The following PRORP variants were observed in gnomAD, a reference collection of about 807,000 sequenced individuals.
The protein encoded by PRORP is protein only RNase P catalytic subunit, also known as mitochondrial ribonuclease P catalytic subunit.
Under a neutral mutation model 59.4 loss-of-function variants are expected in PRORP, and 51 were observed. That is an observed-to-expected ratio of 0.86 (90% CI 0.69 to 1.08). The LOEUF (loss-of-function observed/expected upper bound fraction) is 1.08. Ranked by LOEUF, PRORP falls within the 50% of genes least tolerant of loss-of-function variation. PRORP has a pLI of 0.00. For synonymous variants in PRORP, 231 were observed against 245.6 expected, an observed-to-expected ratio of 0.94 and a Z score of 0.55; for missense variants, 646 against 690.3, an observed-to-expected ratio of 0.94 and a Z score of 0.72.
intron 4 of PRORP, among the ~76,000 whole-genome samples, chr14:35,152,109 T>G (rs527416699): frequency 2.4e-3 from 360 of 152,264 alleles, no homozygotes; most frequent in South Asian, 8.7e-3. Context: ...CCCTGGGTAC[T>G]TGAGATTAGG....
rs567358562 is a variant in PRORP, at chr14:35,123,436, A to T, written c.191A>T (p.Lys64Met). 6.2e-7 allele frequency: 1 copy of T among 1,614,202 alleles called. No homozygotes were observed. The highest frequency in any genetic ancestry group is 1.1e-5 in the South Asian group (1 of 91,092). The change falls in exon 2 of 8, where the codon AAG becomes ATG. Residue 64 changes from lysine to methionine, a missense_variant. Coordinates refer to ENST00000534898, the MANE Select transcript of PRORP (RefSeq NM_014672.4). Reference protein sequence around the residue: ...QNTKATNLIAKARYLRKDEGS... With the variant: ...QNTKATNLIAMARYLRKDEGS... The stretch of plus-strand genomic sequence containing the variant: ...ACCAAAGCAACGAATCTGATTGCCA[A>T]GGCCAGATATCTCAGGAAAGATGAG...
At chr14:35,135,957 C>CA (rs112374315) in intron 4 of PRORP, among the ~76,000 whole-genome samples, 23,469 of 91,364 alleles carry the variant, frequency 0.26, 2,150 homozygotes, top group Middle Eastern at 0.41. Context: ...GACTCTGTCT[C>CA]AAAAAAAAAA....
At chr14:35,157,633 G>T (rs1246044230) in intron 4 of PRORP, among the ~76,000 whole-genome samples, 1 of 151,906 alleles carries the variant, frequency 6.6e-6, no homozygotes, top group Non-Finnish European at 1.5e-5. Flanking sequence ...CAAGTGATCT[G>T]CCTGCCTTGG....
At chr14:35,252,513 T>C (rs941973337) in intron 5 of PRORP, among the ~76,000 whole-genome samples, 1 of 152,226 alleles carries the variant, frequency 6.6e-6, no homozygotes. Flanking sequence ...CCTTCTTTCA[T>C]GGTGCAGGCA....
chr14:35,131,204 A>C (rs959184840), intron 4 of PRORP, among the ~76,000 whole-genome samples: 2 of 152,210 alleles, frequency 1.3e-5, no homozygotes, highest in African/African-American at 2.4e-5. Flanking sequence ...CGGCCTCCCA[A>C]AGTGCTGGAA....
At chr14:35,183,450 C>T (rs555226629) in intron 5 of PRORP, among the ~76,000 whole-genome samples, 2 of 151,920 alleles carry the variant, frequency 1.3e-5, no homozygotes, top group Non-Finnish European at 2.9e-5. Flanking sequence ...TTTTGTAATA[C>T]TCTGTGTCTT....
At chr14:35,223,822 G>A (rs552093068) in intron 5 of PRORP, among the ~76,000 whole-genome samples, 27 of 152,312 alleles carry the variant, frequency 1.8e-4, no homozygotes, top group East Asian at 3.9e-4. Flanking sequence ...AATGAGGCTA[G>A]TAGCTTATTT....
At chr14:35,209,735 C>T (rs2049389631) in intron 5 of PRORP, among the ~76,000 whole-genome samples, 2 of 152,066 alleles carry the variant, frequency 1.3e-5, no homozygotes, top group South Asian at 4.1e-4. Context: ...GGAGTTTCAC[C>T]AGGTTGGCCA....
intron 5 of PRORP, among the ~76,000 whole-genome samples, chr14:35,200,144 C>T (rs1674283069): frequency 6.6e-6 from 1 of 152,120 alleles, no homozygotes; most frequent in Non-Finnish European, 1.5e-5. Flanking sequence ...AAAGCCACGA[C>T]AATTCCATGA....
At chr14:35,127,732 C>A (rs1444580557) in intron 4 of PRORP, 121 bp downstream of exon 4, 2 of 891,040 alleles carry the variant, frequency 2.2e-6, no homozygotes, top group South Asian at 1.6e-5. Context: ...CCTGTTGCAA[C>A]TTTTCAACTC....
intron 4 of PRORP, among the ~76,000 whole-genome samples, chr14:35,130,039 T>TTTG (rs1555319232): frequency 1.3e-5 from 2 of 149,464 alleles, no homozygotes; most frequent in African/African-American, 2.5e-5. Context: ...TCTTTTTTTT[T>TTTG]TTTTTTTTTG....
chr14:35,253,368 AG>A (rs2050663837), intron 5 of PRORP, among the ~76,000 whole-genome samples: 2 of 150,202 alleles, frequency 1.3e-5, no homozygotes, highest in Non-Finnish European at 2.9e-5. Flanking sequence ...AAAGAAAGAA[AG>A]AAAGAAAAGA....
intron 5 of PRORP, among the ~76,000 whole-genome samples, chr14:35,191,285 G>A (rs1045117334): frequency 2.0e-5 from 3 of 152,090 alleles, no homozygotes; most frequent in Non-Finnish European, 2.9e-5. Context: ...ATTCTCTCTT[G>A]CCCACCGCCA....
chr14:35,121,866 G>A (rs777076182), upstream of PRORP: 10 of 1,611,754 alleles, frequency 6.2e-6, no homozygotes, highest in Middle Eastern at 1.6e-4. Flanking sequence ...GTTTAGGGCC[G>A]GGCCATCCCA....
At chr14:35,207,921 G>A (rs1227091940) in intron 5 of PRORP, among the ~76,000 whole-genome samples, 5 of 152,180 alleles carry the variant, frequency 3.3e-5, no homozygotes, top group African/African-American at 1.2e-4. Context: ...GGAGGCCGAG[G>A]CGGGTGGATC....
In PRORP at chr14:35,139,589, T is replaced by G. The variant is rs999526679; in HGVS notation, c.1167+11978T>G. Among the ~76,000 whole-genome samples the G allele has an allele frequency of 1.6e-4, 23 of 145,828 alleles. 2 individuals are homozygous for G. Among genetic ancestry groups the G allele is most frequent in the African/African-American group, 5.6e-4 (23 of 41,080 alleles). On this transcript the variant is annotated intron_variant, in intron 4 of 7. Coordinates refer to ENST00000534898, the MANE Select transcript of PRORP (RefSeq NM_014672.4). ...TCATTCTTTCATTTTTATAATTGAG[T>G]AGTATTCCATTGTGTGACTATTTTA...
chr14:35,198,231 T>A (rs1317698012), intron 5 of PRORP, among the ~76,000 whole-genome samples: 1 of 152,220 alleles, frequency 6.6e-6, no homozygotes, highest in Non-Finnish European at 1.5e-5. Context: ...AACAAATTGT[T>A]CAGAGAATGT....
chr14:35,159,090 A>G (rs1266862392), intron 4 of PRORP: 1 of 202,220 alleles, frequency 4.9e-6, no homozygotes, highest in Non-Finnish European at 1.0e-5. Flanking sequence ...TCAGCAGTGG[A>G]TCTCGCACTC....
At position 35,123,762 on chromosome 14, in the gene PRORP, G is replaced by A. The variant is rs2047010553; in HGVS notation, c.517G>A (p.Val173Ile). The A allele has an allele frequency of 6.2e-7, 1 of 1,614,082 alleles. No individual in the cohort carries two copies. The highest frequency in any genetic ancestry group is 1.7e-5 in the Admixed American group (1 of 60,004). Residue 173 changes from valine (V) to isoleucine (I), a missense_variant, in exon 2 of 8, where the codon GTA (valine) becomes ATA (isoleucine). Physicochemically the swap from Val to Ile is conservative, Grantham distance 29 (BLOSUM62 3). Transcript: ENST00000534898. The stretch of plus-strand genomic sequence containing the variant: ...GGTAGCAGCCAAAAATAATGGTATT[G>A]TAAGTTACGATTTACTGGTCAAGTA... ...AWVAAKNNGI[V>I]SYDLLVKYLY...
Sources: allele counts gnomAD v4.1 joint callset (sites outside exome capture counted in the v4.1 genomes callset), GRCh38; gene constraint gnomAD v4.1.1; transcripts MANE v1.5; gene names NCBI Gene and HGNC (gene_info 2026-07-23, HGNC 2026-07-21).